DAB1: variants seen among roughly 807,000 people sequenced by gnomAD.
DAB1 encodes DAB adaptor protein 1, also known as disabled homolog 1.
DAB1 carries 15 observed loss-of-function variants against 64.6 expected under a neutral mutation model. The ratio of observed to expected loss-of-function variants is 0.23; its 90% CI spans 0.16 to 0.36. The LOEUF (loss-of-function observed/expected upper bound fraction) is 0.36. DAB1 is among the 10% of genes least tolerant of loss of function. The probability of loss-of-function intolerance (pLI) is 1.00; values close to 1 mark genes in which losing one functional copy is unlikely to be tolerated. For missense variants in DAB1, 596 were observed against 706.7 expected (o/e 0.84, Z 1.78); for synonymous variants, 235 against 251.9 (o/e 0.93, Z 0.64).
At chr1:57,964,730 G>T (rs150255953) in intron 5 of DAB1, among the ~76,000 whole-genome samples, 1 of 152,072 alleles carries the variant, frequency 6.6e-6, no homozygotes, top group Non-Finnish European at 1.5e-5. Flanking sequence ...CAGAATTTAC[G>T]TCTTAGTTAT....
At chr1:58,498,636 T>C (rs1287600604) in intron 3 of DAB1, among the ~76,000 whole-genome samples, 2 of 152,156 alleles carry the variant, frequency 1.3e-5, no homozygotes, top group African/African-American at 4.8e-5. Context: ...ATAAAGGAAA[T>C]CTCTAAGACA....
At chr1:58,274,800 C>G (rs1001572087) in intron 4 of DAB1, among the ~76,000 whole-genome samples, 13 of 152,196 alleles carry the variant, frequency 8.5e-5, no homozygotes, top group African/African-American at 2.2e-4. Flanking sequence ...TTCTTTGACT[C>G]GGAAAGGGAA....
At chr1:57,239,745 G>A (rs890541848) in intron 2 of DAB1, among the ~76,000 whole-genome samples, 4 of 151,872 alleles carry the variant, frequency 2.6e-5, no homozygotes, top group Non-Finnish European at 5.9e-5. Flanking sequence ...CAATTAATTA[G>A]GTTCCTCTTT....
At chr1:58,380,219 T>C (rs1359954781) in intron 3 of DAB1, among the ~76,000 whole-genome samples, 8 of 152,172 alleles carry the variant, frequency 5.3e-5, no homozygotes, top group Admixed American at 3.3e-4. Flanking sequence ...TGGGAGGTAA[T>C]TGGATCATGG....
chr1:57,448,214 G>A (rs17115785), intron 7 of DAB1, among the ~76,000 whole-genome samples: 5,573 of 152,218 alleles, frequency 0.037, 192 homozygotes, highest in East Asian at 0.19. Context: ...GAAATAGCAC[G>A]CTATATGTCC....
chr1:58,075,523 G>A (rs1229983075), intron 5 of DAB1, among the ~76,000 whole-genome samples: 1 of 152,192 alleles, frequency 6.6e-6, no homozygotes, highest in African/African-American at 2.4e-5. Context: ...AGAGCTCCCT[G>A]GTGATTGTGT....
intron 7 of DAB1, among the ~76,000 whole-genome samples, chr1:57,477,930 T>A (rs1271591802): frequency 6.6e-6 from 1 of 151,956 alleles, no homozygotes; most frequent in Admixed American, 6.6e-5. Flanking sequence ...TACTTTAAGT[T>A]CTAGGGTACC....
At chr1:58,438,848 T>A (rs548142438) in intron 3 of DAB1, among the ~76,000 whole-genome samples, 4 of 152,258 alleles carry the variant, frequency 2.6e-5, no homozygotes, top group Admixed American at 6.5e-5. Context: ...TTCTTTCTCC[T>A]GCTTCTGTCG....
intron 2 of DAB1, among the ~76,000 whole-genome samples, chr1:57,273,592 T>TCCCTCCC (rs1671206411): frequency 8.8e-6 from 1 of 113,156 alleles, no homozygotes; most frequent in Non-Finnish European, 1.8e-5. Flanking sequence ...CCTTCCTTCC[T>TCCCTCCC]TCCTTCCTTC....
chr1:57,783,417 T>G (rs1241025538), intron 6 of DAB1, among the ~76,000 whole-genome samples: 1 of 152,188 alleles, frequency 6.6e-6, no homozygotes, highest in Non-Finnish European at 1.5e-5. Context: ...TAGTTTTCTA[T>G]GTCAGTCTGT....
chr1:57,276,707 T>A (rs988652002), intron 2 of DAB1, among the ~76,000 whole-genome samples: 1 of 152,190 alleles, frequency 6.6e-6, no homozygotes, highest in African/African-American at 2.4e-5. Context: ...ACTATGGAAC[T>A]AAAAATCATA....
intron 6 of DAB1, among the ~76,000 whole-genome samples, chr1:57,779,649 G>A (rs1297788161): frequency 6.6e-6 from 1 of 152,166 alleles, no homozygotes; most frequent in African/African-American, 2.4e-5. Flanking sequence ...CATATGTTGT[G>A]TGAAGCAGAA....
chr1:57,044,790 G>T (rs1648254319), intron 9 of DAB1, among the ~76,000 whole-genome samples: 1 of 152,132 alleles, frequency 6.6e-6, no homozygotes, highest in Non-Finnish European at 1.5e-5. Flanking sequence ...GTACATTCTG[G>T]ACTCAAGAGG....
At chr1:57,552,893 T>A (rs1243173221) in intron 7 of DAB1, among the ~76,000 whole-genome samples, 1 of 152,110 alleles carries the variant, frequency 6.6e-6, no homozygotes, top group African/African-American at 2.4e-5. Context: ...GGGAAACAGA[T>A]GATGAAGACA....
At chr1:58,380,207 G>A (rs1644374037) in intron 3 of DAB1, among the ~76,000 whole-genome samples, 1 of 152,178 alleles carries the variant, frequency 6.6e-6, no homozygotes, top group African/African-American at 2.4e-5. Context: ...GGAGGGACAT[G>A]GTGGGAGGTA....
At chr1:57,476,217 A>T (rs1296831438) in intron 7 of DAB1, among the ~76,000 whole-genome samples, 1 of 148,054 alleles carries the variant, frequency 6.8e-6, no homozygotes, top group Non-Finnish European at 1.5e-5. Context: ...CAAGAGAGAA[A>T]CTCCACTTCA....
At chr1:58,148,592 G>T (rs1177350363) in intron 5 of DAB1, among the ~76,000 whole-genome samples, 1 of 152,196 alleles carries the variant, frequency 6.6e-6, no homozygotes, top group Non-Finnish European at 1.5e-5. Flanking sequence ...GGAAAAAAAG[G>T]TTTAATGGAC....
At chr1:57,299,664 A>AC (rs1673474504) in intron 1 of DAB1, among the ~76,000 whole-genome samples, 1 of 151,270 alleles carries the variant, frequency 6.6e-6, no homozygotes, top group Admixed American at 6.6e-5. Context: ...AATACTTGGG[A>AC]CCCCAGTTAC....
chr1:58,097,470 AG>A (rs931552392), intron 5 of DAB1, among the ~76,000 whole-genome samples: 6 of 152,216 alleles, frequency 3.9e-5, no homozygotes, highest in African/African-American at 1.2e-4. Flanking sequence ...GGTTGAAAAC[AG>A]GTACTGGGTG....
Sources: allele counts gnomAD v4.1 joint callset (sites outside exome capture counted in the v4.1 genomes callset), GRCh38; gene constraint gnomAD v4.1.1; transcripts MANE v1.5; gene names NCBI Gene and HGNC (gene_info 2026-07-23, HGNC 2026-07-21).